The following HTN1 variants were observed in gnomAD, a reference collection of about 807,000 sequenced individuals.
The protein encoded by HTN1 is histatin-1.
In HTN1, 18 loss-of-function variants were observed where a neutral mutation model predicts 11.2. The observed-to-expected ratio is 1.61, with a 90% CI of 1.12 to 2.39. The LOEUF (loss-of-function observed/expected upper bound fraction) is 2.39. Among genes scored for constraint, HTN1 ranks in the 30% most tolerant of loss-of-function variants. The probability of loss-of-function intolerance (pLI) is 0.00; values close to 1 mark genes in which losing one functional copy is unlikely to be tolerated. For missense variants in HTN1, 80 were observed against 67.2 expected (o/e 1.19, Z -0.67); for synonymous variants, 21 against 20.5 (o/e 1.02, Z -0.07).
In HTN1 at chr4:70,053,133, T is replaced by C. The variant is rs771916189; in HGVS notation, c.51+6T>C. The C allele has an allele frequency of 6.3e-7, 1 of 1,587,782 alleles. No individual in the cohort carries two copies. The highest frequency in any genetic ancestry group is 1.1e-5 in the South Asian group (1 of 90,482). ...CTCTCATGATTTCCATGATTGTAAG[T>C]ATATCTGGAAATTTTAAATACTACA... is the stretch of plus-strand genomic sequence containing the variant. On this transcript the variant is annotated splice_donor_region_variant and intron_variant, in intron 2 of 5. Coordinates refer to ENST00000246896, the MANE Select transcript of HTN1 (RefSeq NM_002159.4).
At chr4:70,054,078 C>T (rs946252427) in intron 2 of HTN1, among the ~76,000 whole-genome samples, 1 of 151,984 alleles carries the variant, frequency 6.6e-6, no homozygotes, top group African/African-American at 2.4e-5. Flanking sequence ...CTTTTCCTGC[C>T]TTACATAAAA....
chr4:70,052,946 C>A (rs1725934339), intron 1 of HTN1, 118 bp from the exon 2 acceptor site: 1 of 694,488 alleles, frequency 1.4e-6, no homozygotes, highest in Non-Finnish European at 2.6e-6. Flanking sequence ...CCCTGCACTC[C>A]AGCCTGGAAA....
intron 2 of HTN1, among the ~76,000 whole-genome samples, 155 bp downstream of exon 2, chr4:70,053,282 T>C (rs909876735): frequency 1.3e-5 from 2 of 152,210 alleles, no homozygotes; most frequent in Non-Finnish European, 2.9e-5. Context: ...AATTAACTTA[T>C]GTAAGTTCTT....
intron 5 of HTN1, 164 bp from the exon 6 acceptor site, chr4:70,058,416 T>G (rs1726097276): frequency 6.6e-6 from 1 of 152,168 alleles, no homozygotes; most frequent in African/African-American, 2.4e-5. Flanking sequence ...GATACCCACT[T>G]AATGAGTATT....
intron 4 of HTN1, 132 bp from the exon 5 acceptor site, chr4:70,055,366 A>G (rs1275706143): frequency 7.5e-6 from 5 of 663,492 alleles, no homozygotes; most frequent in Non-Finnish European, 1.1e-5. Flanking sequence ...AAGTTTGAAA[A>G]CATTTATGTA....
chr4:70,055,524 T>G lies in HTN1; in HGVS notation c.129T>G (p.Phe43Leu), dbSNP rs116978549. Residue 43 changes from phenylalanine (F) to leucine (L), a missense_variant, in exon 5 of 6, where the codon TTT (phenylalanine) becomes TTG (leucine). By Grantham distance (22) the Phe-to-Leu change is conservative (BLOSUM62 0). Coordinates refer to ENST00000246896, the MANE Select transcript of HTN1 (RefSeq NM_002159.4). ...FHEKHHSHRE[F>L]PFYGDYGSNY... The stretch of plus-strand genomic sequence containing the variant: ...AAAAGCATCATTCACATCGAGAATT[T>G]CCATTTTATGGGGACTATGGATCAA... 363 of 1,599,072 alleles carry G rather than the reference T, an allele frequency of 2.3e-4. 2 individuals are homozygous for G. The East Asian group carries it at 7.9e-3, about 35-fold the overall frequency.
chr4:70,055,410 C>A, intron 4 of HTN1, 88 bp from the exon 5 acceptor site: 3 of 933,814 alleles, frequency 3.2e-6, no homozygotes, highest in East Asian at 2.5e-5. Flanking sequence ...CTTTAGCAAT[C>A]TAAGCTTTTA....
intron 2 of HTN1, among the ~76,000 whole-genome samples, chr4:70,053,707 C>T (rs1436363321): frequency 6.6e-6 from 1 of 152,072 alleles, no homozygotes; most frequent in Non-Finnish European, 1.5e-5. Context: ...CTCTTTGGAG[C>T]TCTTTCTCCT....
intron 5 of HTN1, chr4:70,055,816 T>C (rs1726025092): frequency 2.7e-6 from 1 of 371,420 alleles, no homozygotes; most frequent in African/African-American, 2.1e-5. Flanking sequence ...GTTGTTTTGG[T>C]ACTGGTACCA....
At chr4:70,053,151 A>G in intron 2 of HTN1, 24 bp downstream of exon 2, 2 of 1,477,346 alleles carry the variant, frequency 1.4e-6, no homozygotes, top group East Asian at 2.3e-5. Flanking sequence ...GAAATTTTAA[A>G]TACTACATTC....
intron 4 of HTN1, among the ~76,000 whole-genome samples, chr4:70,054,894 A>G (rs1312216173): frequency 6.6e-6 from 1 of 151,938 alleles, no homozygotes; most frequent in Non-Finnish European, 1.5e-5. Context: ...TTTCTCTAAC[A>G]TTTTTCTCAC....
chr4:70,051,804 A>G (rs778419704), intron 1 of HTN1, among the ~76,000 whole-genome samples: 11 of 152,106 alleles, frequency 7.2e-5, no homozygotes, highest in Non-Finnish European at 1.2e-4. Flanking sequence ...ACATTTTATT[A>G]TAATTAGATG....
intron 5 of HTN1, chr4:70,055,926 G>A (rs768476862): frequency 1.2e-5 from 2 of 169,128 alleles, no homozygotes; most frequent in South Asian, 1.7e-4. Flanking sequence ...GGGTATATGA[G>A]CTTTTCTTTG....
Position 70,053,055 on chromosome 4 carries a change from AT to A in HTN1, c.-13-5del. The A allele has an allele frequency of 6.4e-7, 1 of 1,562,752 alleles. No individual in the cohort carries two copies. The highest frequency in any genetic ancestry group is 8.8e-7 in the Non-Finnish European group (1 of 1,134,192). ...TGTGATTACTGATTTTTCATGTTTGATTTTATAGGACTCAGCCAACTATGAA... is the reference window on the plus strand; with the variant it reads ...TGTGATTACTGATTTTTCATGTTTGATTTATAGGACTCAGCCAACTATGAA... On this transcript the variant is annotated splice_polypyrimidine_tract_variant and splice_region_variant and intron_variant, in intron 1 of 5. Transcript: ENST00000246896.
In HTN1 at chr4:70,054,432, G is replaced by A. The variant is rs773598546; in HGVS notation, c.84G>A (p.Gly28=). The A allele has an allele frequency of 2.0e-6, 3 of 1,518,276 alleles. No individual in the cohort carries two copies. Among genetic ancestry groups the A allele is most frequent in the South Asian group, 2.4e-5 (2 of 84,658 alleles). 94.1% of individuals were successfully genotyped at this position (1,518,276 alleles called of 1,614,324 possible). The change falls in exon 4 of 6, where the codon GGG becomes GGA. Residue 28 remains glycine (G), a synonymous_variant. Transcript: ENST00000246896. ...SADSHEKRHH[G]YRRKFHEKHH... is the part of the protein sequence containing the mutation. ...TTTTTATTTCATAGAGACATCATGG[G>A]TATAGAAGAAAATTCCATGTAAGTG...
At chr4:70,055,459 A>G (rs770158535) in intron 4 of HTN1, 39 bp from the exon 5 acceptor site, 9 of 1,393,764 alleles carry the variant, frequency 6.5e-6, no homozygotes, top group Non-Finnish European at 9.2e-6. Context: ...GTCATTCTCT[A>G]TTCTCTGCAA....
At chr4:70,058,054 T>C (rs1198588772) in intron 5 of HTN1, 1 of 152,162 alleles carries the variant, frequency 6.6e-6, no homozygotes, top group Non-Finnish European at 1.5e-5. Flanking sequence ...ATACTAAAGA[T>C]TACATTTCAA....
At chr4:70,051,228 T>C (rs1262962268) in intron 1 of HTN1, among the ~76,000 whole-genome samples, 2 of 152,168 alleles carry the variant, frequency 1.3e-5, no homozygotes, top group African/African-American at 2.4e-5. Context: ...ATTTACTTTC[T>C]TCTTAATAGG....
chr4:70,055,782 C>G (rs987842122), intron 5 of HTN1, 180 bp downstream of exon 5: 23 of 471,958 alleles, frequency 4.9e-5, no homozygotes, highest in Middle Eastern at 5.7e-4. Context: ...TCTGAGGTCT[C>G]TGTTCTGTGC....
Sources: gnomAD v4.1 joint callset for allele counts (sites outside exome capture counted in the v4.1 genomes callset) on GRCh38, gnomAD v4.1.1 for gene constraint, MANE v1.5 for transcripts, NCBI Gene and HGNC (gene_info 2026-07-23, HGNC 2026-07-21) for gene names.